Variants in EIF2AK2 observed in about 807,000 individuals in gnomAD.
The protein encoded by EIF2AK2 is interferon-induced, double-stranded RNA-activated protein kinase.
EIF2AK2 carries 40 observed loss-of-function variants against 70.5 expected under a neutral mutation model. That is an observed-to-expected ratio of 0.57 (90% CI 0.44 to 0.74). EIF2AK2 has a LOEUF of 0.74. EIF2AK2 is among the 30% of genes least tolerant of loss of function. EIF2AK2 has a pLI of 0.00. For synonymous variants in EIF2AK2, 198 were observed against 220.9 expected, an observed-to-expected ratio of 0.90 and a Z score of 0.92; for missense variants, 555 against 644.3, an observed-to-expected ratio of 0.86 and a Z score of 1.50.
chr2:37,133,617 C>G (rs1460802980), intron 10 of EIF2AK2, among the ~76,000 whole-genome samples: 1 of 152,196 alleles, frequency 6.6e-6, no homozygotes, highest in Non-Finnish European at 1.5e-5. Context: ...CACATCCAAA[C>G]AATCAAATCT....
At chr2:37,110,166 G>C (rs905680568) in intron 14 of EIF2AK2, among the ~76,000 whole-genome samples, 2 of 151,884 alleles carry the variant, frequency 1.3e-5, no homozygotes, top group African/African-American at 4.8e-5. Context: ...CACCTCCCAG[G>C]TTCAAGCAGT....
chr2:37,116,214 C>A (rs4648224), intron 13 of EIF2AK2, among the ~76,000 whole-genome samples: 1,644 of 151,830 alleles, frequency 0.011, 28 homozygotes, highest in African/African-American at 0.036. Flanking sequence ...GAGGTATTGA[C>A]CAATATTATT....
At chr2:37,147,638 T>G (rs756045646) in intron 3 of EIF2AK2, 50 bp downstream of exon 3, 2 of 1,254,214 alleles carry the variant, frequency 1.6e-6, no homozygotes, top group East Asian at 4.8e-5. Flanking sequence ...ACAAAGGACA[T>G]GAACTCATCA....
At chr2:37,110,079 CT>C (rs763001824) in intron 14 of EIF2AK2, among the ~76,000 whole-genome samples, 146 of 143,262 alleles carry the variant, frequency 1.0e-3, no homozygotes, top group Admixed American at 1.1e-3. Flanking sequence ...AAAATGTTGC[CT>C]TTTTTTTTTT....
Position 37,146,860 on chromosome 2 carries a change from T to TA in EIF2AK2, c.232_233insT (p.Glu78ValfsTer6). The TA allele has an allele frequency of 6.2e-7, 1 of 1,613,428 alleles. No homozygotes were observed. Among genetic ancestry groups the TA allele is most frequent in the Admixed American group, 1.7e-5 (1 of 59,884 alleles). ...AAAAAGGCAATCACTCACCTTCTTTTCCTTATTAAGTATCTCAACAGCTAA... is the reference window on the plus strand; with the variant it reads ...AAAAAGGCAATCACTCACCTTCTTTTACCTTATTAAGTATCTCAACAGCTAA... On this transcript the variant is annotated frameshift_variant, in exon 4 of 17. Coordinates refer to ENST00000233057, the MANE Select transcript of EIF2AK2 (RefSeq NM_001135651.3). LOFTEE classifies it high-confidence loss of function.
chr2:37,104,618 G>C lies in EIF2AK2; in HGVS notation c.*2655C>G, dbSNP rs984539217. ...TAACAGGCATTAGCTACTGCGTCCAGCTTTTGTCTTTTTAAATATCCAGAA... is the reference window on the plus strand; with the variant it reads ...TAACAGGCATTAGCTACTGCGTCCACCTTTTGTCTTTTTAAATATCCAGAA... On this transcript the variant is annotated 3_prime_UTR_variant, in exon 17 of 17. Coordinates refer to ENST00000233057, the MANE Select transcript of EIF2AK2 (RefSeq NM_001135651.3). 2 of 151,952 alleles carry C rather than the reference G, an allele frequency of 1.3e-5. No individual in the cohort carries two copies. The highest frequency in any genetic ancestry group is 2.9e-5 in the Non-Finnish European group (2 of 68,004). The allele number at this position is 151,952 out of a possible 1,614,324, so 9.4% of individuals were successfully genotyped here. A position where few individuals can be genotyped will look rare whatever the true frequency, so the allele number is the denominator to read the frequency against.
intron 12 of EIF2AK2, among the ~76,000 whole-genome samples, chr2:37,120,515 AAAAAAAAAAAG>A (rs1263747187): frequency 7.5e-6 from 1 of 133,514 alleles, no homozygotes; most frequent in Non-Finnish European, 1.6e-5. Context: ...TCACAAAAAA[AAAAAAAAAAAG>A]AAAAAAAAAG....
In EIF2AK2 at chr2:37,142,615, T is replaced by C. The variant is rs561542683; in HGVS notation, c.241-914A>G. On this transcript the variant is annotated intron_variant, in intron 4 of 16. Transcript: ENST00000233057. Reference sequence around the variant, plus strand: ...CTTCTTGACTCAATTTTCTACCTCATTAATAATTATACTTTGCACTTTTGC... The same window carrying C: ...CTTCTTGACTCAATTTTCTACCTCACTAATAATTATACTTTGCACTTTTGC... Among the ~76,000 whole-genome samples the C allele has an allele frequency of 7.9e-5, 12 of 152,236 alleles. No homozygotes were observed. In the South Asian group the frequency reaches 2.5e-3, roughly 32 times the overall value.
At chr2:37,139,789 A>T (rs1305779675) in intron 5 of EIF2AK2, 32 bp from the exon 6 acceptor site, 1 of 1,583,458 alleles carries the variant, frequency 6.3e-7, no homozygotes, top group Non-Finnish European at 8.6e-7. Flanking sequence ...ACTTATCCAA[A>T]CATGAAAAAT....
chr2:37,127,127 A>C (rs113493306), intron 10 of EIF2AK2, among the ~76,000 whole-genome samples: 4 of 152,102 alleles, frequency 2.6e-5, no homozygotes, highest in African/African-American at 9.6e-5. Context: ...CTAGGTTTCT[A>C]CTTGGTTTTC....
intron 11 of EIF2AK2, among the ~76,000 whole-genome samples, chr2:37,124,489 G>A (rs1674665521): frequency 6.6e-6 from 1 of 151,966 alleles, no homozygotes; most frequent in African/African-American, 2.4e-5. Flanking sequence ...TCAGTCTCTT[G>A]ACCTCGTGAT....
At chr2:37,152,011 A>T (rs1000783171) in intron 1 of EIF2AK2, among the ~76,000 whole-genome samples, 1 of 152,226 alleles carries the variant, frequency 6.6e-6, no homozygotes, top group African/African-American at 2.4e-5. Flanking sequence ...GCTTGCAGTG[A>T]GCTGAGATCG....
At chr2:37,110,112 C>G (rs1572997378) in intron 14 of EIF2AK2, among the ~76,000 whole-genome samples, 1 of 151,612 alleles carries the variant, frequency 6.6e-6, no homozygotes, top group African/African-American at 2.4e-5. Context: ...CCCGCTGTCA[C>G]CAGGCTGGAA....
intron 4 of EIF2AK2, among the ~76,000 whole-genome samples, chr2:37,143,118 A>T (rs1261514389): frequency 6.6e-6 from 1 of 151,420 alleles, no homozygotes; most frequent in African/African-American, 2.4e-5. Context: ...AATCTCAGCT[A>T]CTCAGGAGGC....
chr2:37,146,881 G>A lies in EIF2AK2; in HGVS notation c.212C>T (p.Ala71Val). Residue 71 changes from alanine to valine, a missense_variant, in exon 4 of 17, where the codon GCT becomes GTT. By Grantham distance (64) the Ala-to-Val change is moderately conservative (BLOSUM62 0). Coordinates refer to ENST00000233057, the MANE Select transcript of EIF2AK2 (RefSeq NM_001135651.3). Reference protein sequence around the residue: ...KEAKNAAAKLAVEILNKEKKA... With the variant: ...KEAKNAAAKLVVEILNKEKKA... ...CTTTTCCTTATTAAGTATCTCAACAGCTAATTTGGCTGCGGCATTTTTTGC... is the reference window on the plus strand; with the variant it reads ...CTTTTCCTTATTAAGTATCTCAACAACTAATTTGGCTGCGGCATTTTTTGC... 6.2e-7 allele frequency: 1 copy of A among 1,613,792 alleles called. No individual in the cohort carries two copies. Among genetic ancestry groups the A allele is most frequent in the Non-Finnish European group, 8.5e-7 (1 of 1,179,946 alleles).
chr2:37,110,065 CA>C (rs1350747095), intron 14 of EIF2AK2, among the ~76,000 whole-genome samples: 1 of 150,112 alleles, frequency 6.7e-6, no homozygotes, highest in Non-Finnish European at 1.5e-5. Flanking sequence ...AATTGTTCCT[CA>C]ACAAAATGTT....
In EIF2AK2 at chr2:37,100,011, AGGGTTTCTTTT is replaced by A. The variant is rs952997577; in HGVS notation, c.*7251_*7261del. The A allele has an allele frequency of 2.0e-5, 3 of 152,374 alleles. No individual in the cohort carries two copies. The highest frequency in any genetic ancestry group is 7.2e-5 in the African/African-American group (3 of 41,582). The allele number at this position is 152,374 out of a possible 1,614,324, so 9.4% of individuals were successfully genotyped here. A position where few individuals can be genotyped will look rare whatever the true frequency, so the allele number is the denominator to read the frequency against. On this transcript the variant is annotated 3_prime_UTR_variant, in exon 17 of 17. Coordinates refer to ENST00000233057, the MANE Select transcript of EIF2AK2 (RefSeq NM_001135651.3). Reference sequence around the variant, plus strand: ...AAACAGAGTGAATACTAACGGGCATAGGGTTTCTTTTGGGGGTGAGAAAAATGATAGTTGCA... The same window carrying A: ...AAACAGAGTGAATACTAACGGGCATAGGGGGTGAGAAAAATGATAGTTGCA...
intron 14 of EIF2AK2, among the ~76,000 whole-genome samples, chr2:37,114,430 G>A (rs1174199508): frequency 6.6e-6 from 1 of 151,948 alleles, no homozygotes; most frequent in Admixed American, 6.6e-5. Flanking sequence ...AACTAATATG[G>A]AGAAATTATG....
At chr2:37,148,509 G>GA in intron 2 of EIF2AK2, 1 of 623,744 alleles carries the variant, frequency 1.6e-6, no homozygotes, top group Non-Finnish European at 3.0e-6. Flanking sequence ...ATAAAACAAG[G>GA]AAAATATGCT....
Sources: gnomAD v4.1 joint callset for allele counts (sites outside exome capture counted in the v4.1 genomes callset) on GRCh38, gnomAD v4.1.1 for gene constraint, MANE v1.5 for transcripts, NCBI Gene and HGNC (gene_info 2026-07-23, HGNC 2026-07-21) for gene names.